CPT1C: variants seen among roughly 807,000 people sequenced by gnomAD.
CPT1C encodes palmitoyl thioesterase CPT1C.
A neutral mutation model predicts 97.3 loss-of-function variants in CPT1C; 61 were observed. The ratio of observed to expected loss-of-function variants is 0.63; its 90% CI spans 0.51 to 0.78. The LOEUF (loss-of-function observed/expected upper bound fraction) is 0.78, where lower values mean the gene tolerates loss of function less well. CPT1C is among the 30% of genes least tolerant of loss of function. CPT1C has a pLI of 0.00. For missense variants in CPT1C, 975 were observed against 1,065.5 expected (o/e 0.92, Z 1.18); for synonymous variants, 469 against 447.2 (o/e 1.05, Z -0.61).
chr19:49,709,889 C>T (rs2083745570), intron 14 of CPT1C, among the ~76,000 whole-genome samples: 1 of 150,614 alleles, frequency 6.6e-6, no homozygotes, highest in Non-Finnish European at 1.5e-5. Context: ...GCTCTGTACC[C>T]AGGCTGGAGT....
rs147089467 is a variant in CPT1C at position 49,696,807 on chromosome 19, A to G, written c.142-519A>G. ...GCCACCATGCCCGGCTAATTTTTGT[A>G]TTTTTACTAGAGACGGATTTCACCA... is the stretch of plus-strand genomic sequence containing the variant. On this transcript the variant is annotated intron_variant, in intron 3 of 19. Transcript: ENST00000598293. 1.9e-3 allele frequency among the ~76,000 whole-genome samples: 280 copies of G among 151,118 alleles called. 1 individual carries two copies. Among genetic ancestry groups the G allele is most frequent in the Middle Eastern group, 3.4e-3 (1 of 292 alleles).
chr19:49,692,531 C>T lies in CPT1C; in HGVS notation c.141+138C>T, dbSNP rs1482459656. On this transcript the variant is annotated intron_variant, in intron 3 of 19. Transcript: ENST00000598293. ...CTTTTTCTTAGAATTTTGATGTCTG[C>T]TCCCAGGACCCCTTTAGCAATTTCT... 2.1e-5 allele frequency: 23 copies of T among 1,073,076 alleles called. No individual in the cohort carries two copies. The East Asian group carries it at 5.8e-4, about 27-fold the overall frequency. The allele number at this position is 1,073,076 out of a possible 1,614,324, so 66.5% of individuals were successfully genotyped here.
chr19:49,697,662 T>C, intron 4 of CPT1C, 197 bp downstream of exon 4: 1 of 554,992 alleles, frequency 1.8e-6, no homozygotes, highest in Middle Eastern at 3.7e-4. Flanking sequence ...CCCAGCACAT[T>C]GGGCATTGGG....
chr19:49,711,690 G>T, intron 16 of CPT1C, 119 bp from the exon 17 acceptor site: 4 of 1,054,332 alleles, frequency 3.8e-6, no homozygotes, highest in Admixed American at 2.5e-5. Flanking sequence ...GTAAAATGGG[G>T]TTGATATTCC....
Position 49,706,518 on chromosome 19 carries a change from CAG to C in CPT1C, c.1343+108_1343+109del, listed in dbSNP as rs2083510396. ...AGCCAGACCCTGGAGCCCACACCTG[CAG>C]AGTCTGTAGACCAGGGGCTGCATAG... On this transcript the variant is annotated intron_variant, in intron 12 of 19. Coordinates refer to ENST00000598293, the MANE Select transcript of CPT1C (RefSeq NM_001199753.2). This position sits in a 1 kb window ranked among gnomAD's most constrained non-coding sequence, Gnocchi z 4.8. The C allele has an allele frequency of 2.0e-6, 2 of 1,021,236 alleles. No individual in the cohort carries two copies. Among genetic ancestry groups the C allele is most frequent in the South Asian group, 4.9e-5 (2 of 41,032 alleles). 63.3% of individuals were successfully genotyped at this position (1,021,236 alleles called of 1,614,324 possible).
Position 49,700,196 on chromosome 19 carries a change from G to A in CPT1C, c.282-488G>A, listed in dbSNP as rs372453856. 5.3e-5 allele frequency among the ~76,000 whole-genome samples: 8 copies of A among 151,322 alleles called. No homozygotes were observed. The East Asian group carries it at 5.8e-4, about 11-fold the overall frequency. ...CAGGAGGCGGAGCTTGCAGTGAGCC[G>A]AGATAGCACCACAGCACTCCAGCCT... On this transcript the variant is annotated intron_variant, in intron 4 of 19. Transcript: ENST00000598293.
At chr19:49,712,568 G>A (rs2083967641) in intron 17 of CPT1C, 168 bp from the exon 18 acceptor site, 5 of 613,982 alleles carry the variant, frequency 8.1e-6, no homozygotes, top group East Asian at 5.6e-5. Context: ...GGTGAGACGA[G>A]TGAGGGGCGT....
rs1334592224 is a variant in CPT1C, at chr19:49,692,304, G to A, written c.52G>A (p.Gly18Arg). Reference sequence around the variant, plus strand: ...CTTCCGACCCTCGCTGACCTCGGACGGGGCTGAAGTGGAACTCAGTGCCCC... The same window carrying A: ...CTTCCGACCCTCGCTGACCTCGGACAGGGCTGAAGTGGAACTCAGTGCCCC... Reference protein sequence around the residue: ...VGFRPSLTSDGAEVELSAPVL... With the variant: ...VGFRPSLTSDRAEVELSAPVL... The change falls in exon 3 of 20, where the codon GGG becomes AGG. Residue 18 changes from glycine (G) to arginine (R), a missense_variant. Transcript: ENST00000598293. 5.0e-6 allele frequency: 8 copies of A among 1,614,114 alleles called. No individual in the cohort carries two copies. The highest frequency in any genetic ancestry group is 1.1e-5 in the South Asian group (1 of 91,086).
chr19:49,704,834 G>A lies in CPT1C; in HGVS notation c.771+47G>A, dbSNP rs369066476. On this transcript the variant is annotated intron_variant, in intron 8 of 19. Coordinates refer to ENST00000598293, the MANE Select transcript of CPT1C (RefSeq NM_001199753.2). ...TTCATAGGCCCCAGGTCTAGGGTTG[G>A]GGGGTACCTGGGCGGAATGTGACGG... 3.4e-4 allele frequency: 537 copies of A among 1,559,410 alleles called. 3 individuals carry two copies. The South Asian group carries it at 5.4e-3, about 16-fold the overall frequency.
At chr19:49,696,033 C>T (rs190050640) in intron 3 of CPT1C, among the ~76,000 whole-genome samples, 12 of 151,926 alleles carry the variant, frequency 7.9e-5, no homozygotes, top group Non-Finnish European at 1.2e-4. Context: ...CCCACCACCA[C>T]GCCTGGCTAA....
intron 3 of CPT1C, among the ~76,000 whole-genome samples, chr19:49,693,285 C>T (rs1422750303): frequency 2.6e-5 from 4 of 152,138 alleles, no homozygotes; most frequent in African/African-American, 9.7e-5. Context: ...TGTCTCCATA[C>T]AGGGACTCCC....
intron 19 of CPT1C, 68 bp from the exon 20 acceptor site, chr19:49,713,352 C>T: frequency 7.0e-7 from 1 of 1,432,338 alleles, no homozygotes; most frequent in Non-Finnish European, 9.6e-7. Flanking sequence ...GCCCTTAGCC[C>T]TCTTGTTTCT....
In CPT1C at chr19:49,705,240, A is replaced by T. The variant is rs764916069; in HGVS notation, c.906A>T (p.Leu302Phe). Residue 302 changes from leucine (L) to phenylalanine (F), a missense_variant, in exon 10 of 20, where the codon TTA (leucine) becomes TTT (phenylalanine). Physicochemically the swap from Leu to Phe is conservative, Grantham distance 22. Transcript: ENST00000598293. ...PPTLLMGMRP[L>F]CSAQYEKIFN... ...CTTTGCTGATGGGAATGCGCCCCTT[A>T]TGCTCTGCCCAGTACGAGAAGATCT... 6.2e-7 allele frequency: 1 copy of T among 1,613,870 alleles called. No individual in the cohort carries two copies.
At chr19:49,709,871 G>A (rs1317632137) in intron 14 of CPT1C, among the ~76,000 whole-genome samples, 3 of 139,276 alleles carry the variant, frequency 2.2e-5, no homozygotes, top group Non-Finnish European at 4.6e-5. Flanking sequence ...TTTTTGAGAC[G>A]GAGTCTTGCT....
In CPT1C at chr19:49,704,700, C is replaced by A. The variant is rs747713339; in HGVS notation, c.694-10C>A. The A allele has an allele frequency of 1.2e-6, 2 of 1,613,002 alleles. No homozygotes were observed. The highest frequency in any genetic ancestry group is 2.2e-5 in the East Asian group (1 of 44,862). On this transcript the variant is annotated splice_polypyrimidine_tract_variant and intron_variant, in intron 7 of 19. Coordinates refer to ENST00000598293, the MANE Select transcript of CPT1C (RefSeq NM_001199753.2). Reference sequence around the variant, plus strand: ...GCCCCTCACTGTGTGTCTCCCCACCCCGCTCCCAGGTCAGTGACTGGTGGG... The same window carrying A: ...GCCCCTCACTGTGTGTCTCCCCACCACGCTCCCAGGTCAGTGACTGGTGGG...
rs772468233 is a variant in CPT1C, at chr19:49,701,637, G to A, written c.693+3G>A. On this transcript the variant is annotated splice_donor_region_variant and intron_variant, in intron 7 of 19. Coordinates refer to ENST00000598293, the MANE Select transcript of CPT1C (RefSeq NM_001199753.2). ...AGTCCTGGTGGGCGTCCAATTATGT[G>A]AGTCCCGCCACCGCCACCAACGCCC... The A allele has an allele frequency of 1.3e-6, 2 of 1,591,794 alleles. No individual in the cohort carries two copies. The highest frequency in any genetic ancestry group is 1.7e-6 in the Non-Finnish European group (2 of 1,164,610).
At position 49,701,244 on chromosome 19, in the gene CPT1C, A is replaced by G. The variant is rs896490034; in HGVS notation, c.454-73A>G. On this transcript the variant is annotated intron_variant, in intron 5 of 19. Transcript: ENST00000598293. ...GTCCTTCTCTTTGGGTTTCTGTCCCACTGTCGACCCCTGCCCCGTCAACTC... is the reference window on the plus strand; with the variant it reads ...GTCCTTCTCTTTGGGTTTCTGTCCCGCTGTCGACCCCTGCCCCGTCAACTC... The G allele has an allele frequency of 2.5e-5, 33 of 1,295,832 alleles. No homozygotes were observed. In the African/African-American group the frequency reaches 3.5e-4, roughly 14 times the overall value. The allele number at this position is 1,295,832 out of a possible 1,614,324, so 80.3% of individuals were successfully genotyped here.
intron 3 of CPT1C, among the ~76,000 whole-genome samples, chr19:49,696,179 AC>A (rs2082658148): frequency 6.6e-6 from 1 of 152,028 alleles, no homozygotes; most frequent in South Asian, 2.1e-4. Flanking sequence ...GCCCGGCCAA[AC>A]CCCAGTGTTT....
Position 49,692,387 on chromosome 19 carries a change from T to C in CPT1C, c.135T>C (p.Arg45=). ...GCTCCTGGAAAAGGCATCTCTCACGTTTCTGGGTGAGGAGCGGTGCTGGTC... is the reference window on the plus strand; with the variant it reads ...GCTCCTGGAAAAGGCATCTCTCACGCTTCTGGGTGAGGAGCGGTGCTGGTC... ...GLRSWKRHLS[R]FWNDFLTGVF... is the part of the protein sequence containing the mutation. The change falls in exon 3 of 20, where the codon CGT becomes CGC. Residue 45 remains arginine (R), a synonymous_variant. Transcript: ENST00000598293. 1.9e-6 allele frequency: 3 copies of C among 1,614,086 alleles called. No homozygotes were observed. Among genetic ancestry groups the C allele is most frequent in the Non-Finnish European group, 2.5e-6 (3 of 1,179,988 alleles).
Sources: allele counts gnomAD v4.1 joint callset (sites outside exome capture counted in the v4.1 genomes callset), GRCh38; gene constraint gnomAD v4.1.1; non-coding constraint Gnocchi (gnomAD v3.1); transcripts MANE v1.5; gene names NCBI Gene and HGNC (gene_info 2026-07-23, HGNC 2026-07-21).